PTPRC: variants seen among roughly 807,000 people sequenced by gnomAD.
The protein encoded by PTPRC is receptor-type tyrosine-protein phosphatase C.
Under a neutral mutation model 155.9 loss-of-function variants are expected in PTPRC, and 44 were observed. That is an observed-to-expected ratio of 0.28 (90% CI 0.22 to 0.36). PTPRC has a LOEUF of 0.36. Ranked by LOEUF, PTPRC falls within the 10% of genes least tolerant of loss-of-function variation. PTPRC has a pLI of 1.00. For missense variants in PTPRC, 1,401 were observed against 1,564.6 expected (o/e 0.90, Z 1.76); for synonymous variants, 525 against 533.1 (o/e 0.98, Z 0.21).
chr1:198,640,475 A>G lies in PTPRC; in HGVS notation c.73+1134A>G, dbSNP rs147970013. On this transcript the variant is annotated intron_variant, in intron 2 of 32. Coordinates refer to ENST00000442510, the MANE Select transcript of PTPRC (RefSeq NM_002838.5). ...AAGAAAGAGGAAAGAAAAACAACAT[A>G]AGATTTTTGTTGTTGTTGTTGTGGC... Among the ~76,000 whole-genome samples, 24 of 152,042 alleles carry G rather than the reference A, an allele frequency of 1.6e-4. No homozygotes were observed. In the East Asian group the frequency reaches 4.3e-3, roughly 27 times the overall value.
intron 2 of PTPRC, among the ~76,000 whole-genome samples, chr1:198,668,068 A>G (rs2102281494): frequency 6.6e-6 from 1 of 152,318 alleles, no homozygotes; most frequent in Admixed American, 6.5e-5. Context: ...CAGTAGAATA[A>G]TGATTGTTAG....
rs1655437156 is a variant in PTPRC at position 198,752,641 on chromosome 1, T to C, written c.3378T>C (p.Ser1126=). ...TVYQYQYTNW[S]VEQLPAEPKE... is the part of the protein sequence containing the mutation. ...ACCAGTACCAATATACAAACTGGAGTGTGGAGCAGCTTCCTGCAGAACCCA... is the reference window on the plus strand; with the variant it reads ...ACCAGTACCAATATACAAACTGGAGCGTGGAGCAGCTTCCTGCAGAACCCA... Residue 1126 remains serine (S), a synonymous_variant, in exon 31 of 33, where the codon AGT becomes AGC. Coordinates refer to ENST00000442510, the MANE Select transcript of PTPRC (RefSeq NM_002838.5). 2 of 1,612,478 alleles carry C rather than the reference T, an allele frequency of 1.2e-6. No individual in the cohort carries two copies. Among genetic ancestry groups the C allele is most frequent in the Non-Finnish European group, 1.7e-6 (2 of 1,179,308 alleles).
At chr1:198,747,981 G>A in intron 26 of PTPRC, 128 bp from the exon 27 acceptor site, 1 of 1,378,616 alleles carries the variant, frequency 7.3e-7, no homozygotes, top group Non-Finnish European at 9.8e-7. Context: ...AAAAATTATG[G>A]CCTATAGGGA....
intron 2 of PTPRC, among the ~76,000 whole-genome samples, chr1:198,688,930 A>G (rs1232492628): frequency 6.6e-6 from 1 of 152,200 alleles, no homozygotes; most frequent in Non-Finnish European, 1.5e-5. Flanking sequence ...AACTTGGCCA[A>G]GACACTTGAC....
At chr1:198,668,986 C>T (rs1278681800) in intron 2 of PTPRC, among the ~76,000 whole-genome samples, 2 of 152,108 alleles carry the variant, frequency 1.3e-5, no homozygotes, top group Non-Finnish European at 2.9e-5. Flanking sequence ...AACATATAGG[C>T]TCAAACATTT....
At chr1:198,722,508 A>G in intron 15 of PTPRC, 32 bp downstream of exon 15, 1 of 1,182,126 alleles carries the variant, frequency 8.5e-7, no homozygotes, top group Non-Finnish European at 1.1e-6. Flanking sequence ...TATTATATAT[A>G]TTAAGATATA....
intron 23 of PTPRC, among the ~76,000 whole-genome samples, chr1:198,736,125 C>G (rs1283536972): frequency 6.6e-6 from 1 of 151,390 alleles, no homozygotes; most frequent in African/African-American, 2.4e-5. Flanking sequence ...CAATGCATAA[C>G]AATCACATCA....
At chr1:198,690,056 G>C (rs1040143011) in intron 2 of PTPRC, among the ~76,000 whole-genome samples, 3 of 152,140 alleles carry the variant, frequency 2.0e-5, no homozygotes, top group Admixed American at 1.3e-4. Flanking sequence ...TGAGGTGCTT[G>C]CATGAGAAGG....
intron 32 of PTPRC, among the ~76,000 whole-genome samples, chr1:198,755,460 T>G (rs986255442): frequency 6.7e-6 from 1 of 148,666 alleles, no homozygotes; most frequent in Non-Finnish European, 1.5e-5. Flanking sequence ...AGCCAGGTAT[T>G]TACTAATCAA....
At chr1:198,666,722 A>C (rs749809522) in intron 2 of PTPRC, among the ~76,000 whole-genome samples, 2 of 152,202 alleles carry the variant, frequency 1.3e-5, no homozygotes, top group Non-Finnish European at 2.9e-5. Context: ...TTCAAGGTAG[A>C]CTATGAATAT....
chr1:198,716,553 A>G (rs1653593857), intron 12 of PTPRC, 129 bp from the exon 13 acceptor site: 1 of 760,676 alleles, frequency 1.3e-6, no homozygotes, highest in South Asian at 1.7e-5. Context: ...TCAAGGATGT[A>G]CTTATTTTTC....
intron 2 of PTPRC, among the ~76,000 whole-genome samples, chr1:198,685,632 A>C (rs1268390194): frequency 6.6e-6 from 1 of 151,948 alleles, no homozygotes; most frequent in Non-Finnish European, 1.5e-5. Flanking sequence ...AGCATAAAAA[A>C]AGTGCAATTC....
At chr1:198,674,109 C>G (rs539533749) in intron 2 of PTPRC, among the ~76,000 whole-genome samples, 1 of 152,202 alleles carries the variant, frequency 6.6e-6, no homozygotes. Flanking sequence ...AAAATGAAGA[C>G]CTTTGTTGTA....
At chr1:198,648,658 T>C (rs1332638491) in intron 2 of PTPRC, among the ~76,000 whole-genome samples, 3 of 151,862 alleles carry the variant, frequency 2.0e-5, no homozygotes, top group Non-Finnish European at 4.4e-5. Context: ...ATCTTTAGCA[T>C]ATTCTGTATC....
chr1:198,642,070 T>G (rs1348319536), intron 2 of PTPRC, among the ~76,000 whole-genome samples: 1 of 152,044 alleles, frequency 6.6e-6, no homozygotes, highest in Non-Finnish European at 1.5e-5. Context: ...CTGTGACCTT[T>G]ATCATTGCTA....
chr1:198,732,638 A>T, intron 20 of PTPRC, 82 bp downstream of exon 20: 1 of 1,119,844 alleles, frequency 8.9e-7, no homozygotes, highest in Non-Finnish European at 1.3e-6. Flanking sequence ...TAGAAATATT[A>T]TTAAAAATAT....
At chr1:198,650,439 A>C (rs1571780686) in intron 2 of PTPRC, among the ~76,000 whole-genome samples, 1 of 151,844 alleles carries the variant, frequency 6.6e-6, no homozygotes, top group Non-Finnish European at 1.5e-5. Flanking sequence ...GGTGGAAAGA[A>C]AGGAAAGACT....
chr1:198,729,444 T>C (rs973241781), intron 17 of PTPRC, among the ~76,000 whole-genome samples: 8 of 152,118 alleles, frequency 5.3e-5, no homozygotes, highest in Admixed American at 2.6e-4. Flanking sequence ...GATATCACCA[T>C]GCTGCCCAAG....
chr1:198,690,558 A>G (rs1248911463), intron 2 of PTPRC, among the ~76,000 whole-genome samples: 2 of 152,132 alleles, frequency 1.3e-5, no homozygotes, highest in Non-Finnish European at 1.5e-5. Flanking sequence ...CATCAATGAT[A>G]TAAAAATATA....
Sources: gnomAD v4.1 joint callset for allele counts (sites outside exome capture counted in the v4.1 genomes callset) on GRCh38, gnomAD v4.1.1 for gene constraint, MANE v1.5 for transcripts, NCBI Gene and HGNC (gene_info 2026-07-23, HGNC 2026-07-21) for gene names.